NACC2: variants seen among roughly 807,000 people sequenced by gnomAD.
NACC2 encodes the protein NACC family member 2, also known as nucleus accumbens-associated protein 2.
A neutral mutation model predicts 25.1 loss-of-function variants in NACC2; 8 were observed. The observed-to-expected ratio is 0.32, with a 90% confidence interval of 0.19 to 0.57. The LOEUF (loss-of-function observed/expected upper bound fraction) is 0.57. Ranked by LOEUF, NACC2 falls within the 20% of genes least tolerant of loss-of-function variation. The pLI is 0.89. For synonymous variants in NACC2, 435 were observed against 294.7 expected (o/e 1.48, Z -4.88); for missense variants, 644 against 650.2 (o/e 0.99, Z 0.10).
chr9:136,083,806 G>A (rs892817717), intron 1 of NACC2, among the ~76,000 whole-genome samples: 7 of 152,218 alleles, frequency 4.6e-5, no homozygotes, highest in African/African-American at 7.2e-5. Context: ...GGCCGCCCAC[G>A]ACATTCATCT....
rs562430203 is a variant in NACC2, at chr9:136,076,253, A to G, written c.-60+18936T>C. Among the ~76,000 whole-genome samples, 8 of 152,308 alleles carry G rather than the reference A, an allele frequency of 5.3e-5. No individual in the cohort carries two copies. The South Asian group carries it at 8.3e-4, about 16-fold the overall frequency. ...GCGTTTCCCGGCCCTGCGGAACTCG[A>G]AGAAGTGCTGTAACTAACCCAACAA... On this transcript the variant is annotated intron_variant, in intron 1 of 5. Transcript: ENST00000277554.
chr9:136,093,302 A>C (rs764449731), intron 1 of NACC2, among the ~76,000 whole-genome samples: 6 of 152,218 alleles, frequency 3.9e-5, no homozygotes, highest in Non-Finnish European at 7.3e-5. Flanking sequence ...CTCATGCTTT[A>C]ATTGGAAAAC....
At chr9:136,061,779 A>G (rs1210396890) in intron 1 of NACC2, among the ~76,000 whole-genome samples, 1 of 152,068 alleles carries the variant, frequency 6.6e-6, no homozygotes, top group East Asian at 1.9e-4. Context: ...ACAGATACAG[A>G]GTACAGAGGC....
intron 1 of NACC2, among the ~76,000 whole-genome samples, chr9:136,060,060 C>T (rs1260314878): frequency 1.3e-5 from 2 of 152,232 alleles, no homozygotes; most frequent in Non-Finnish European, 2.9e-5. Flanking sequence ...ATGCCGGCTG[C>T]CCGCATCTGC....
intron 2 of NACC2, among the ~76,000 whole-genome samples, chr9:136,030,605 G>A (rs530452023): frequency 1.6e-4 from 23 of 146,114 alleles, no homozygotes; most frequent in African/African-American, 4.1e-4. Context: ...GCAAGACTCC[G>A]TCTCAAAAAA....
intron 1 of NACC2, among the ~76,000 whole-genome samples, chr9:136,083,748 C>T (rs529338253): frequency 6.6e-6 from 1 of 152,242 alleles, no homozygotes; most frequent in Non-Finnish European, 1.5e-5. Context: ...GAAATTCCTG[C>T]TGTTTCAGGC....
chr9:136,076,784 G>A (rs112797608), intron 1 of NACC2, among the ~76,000 whole-genome samples: 141 of 152,258 alleles, frequency 9.3e-4, no homozygotes, highest in African/African-American at 3.3e-3. Flanking sequence ...TGAGGTGGGT[G>A]GATCATGAGG....
At position 136,020,536 on chromosome 9, in the gene NACC2, C is replaced by T. The variant is rs759028905; in HGVS notation, c.887-4107G>A. On this transcript the variant is annotated intron_variant, in intron 2 of 5. Transcript: ENST00000277554. The surrounding 1 kb of genome is among the most constrained non-coding windows in gnomAD (Gnocchi z 4.7). ...GGCCGCCTGGTGGAGCCCAGCAGAG[C>T]CTCGGCGGGGGTAGGAGGGAGACGG... 6.6e-6 allele frequency among the ~76,000 whole-genome samples: 1 copy of T among 152,194 alleles called. No individual in the cohort carries two copies. Among genetic ancestry groups the T allele is most frequent in the Non-Finnish European group, 1.5e-5 (1 of 68,038 alleles).
At chr9:136,042,270 G>A (rs954647395) in intron 2 of NACC2, among the ~76,000 whole-genome samples, 3 of 152,168 alleles carry the variant, frequency 2.0e-5, no homozygotes, top group Non-Finnish European at 2.9e-5. Flanking sequence ...TTACAGGTGT[G>A]AGCCACCTTG....
chr9:136,075,365 G>A (rs4562408), intron 1 of NACC2, among the ~76,000 whole-genome samples: 22,161 of 152,244 alleles, frequency 0.15, 2,745 homozygotes, highest in African/African-American at 0.34. Context: ...TGGCTGCTGC[G>A]AACTGACTGA....
In NACC2 at chr9:136,080,556, C is replaced by T. The variant is rs1055751404; in HGVS notation, c.-60+14633G>A. Among the ~76,000 whole-genome samples, 10 of 151,984 alleles carry T rather than the reference C, an allele frequency of 6.6e-5. 1 individual carries two copies. In the East Asian group the frequency reaches 1.7e-3, roughly 26 times the overall value. ...TGCACTCCAGCCTGGGTAACAACAG[C>T]GAAACTCCATCTCCCCACTACCCTG... is the stretch of plus-strand genomic sequence containing the variant. On this transcript the variant is annotated intron_variant, in intron 1 of 5. Coordinates refer to ENST00000277554, the MANE Select transcript of NACC2 (RefSeq NM_144653.5).
At chr9:136,016,222 T>G (rs1486468923) in intron 3 of NACC2, 43 bp downstream of exon 3, 2 of 1,598,460 alleles carry the variant, frequency 1.3e-6, no homozygotes, top group Non-Finnish European at 1.7e-6. Context: ...AATAAATAAA[T>G]GAGGACATTT....
chr9:136,073,650 T>G (rs555097076), intron 1 of NACC2, among the ~76,000 whole-genome samples: 49 of 75,222 alleles, frequency 6.5e-4, no homozygotes, highest in African/African-American at 1.5e-3. Context: ...CAAGAATGTT[T>G]GCAGAAAGTC....
chr9:136,060,019 C>G (rs1840986418), intron 1 of NACC2, among the ~76,000 whole-genome samples: 1 of 152,260 alleles, frequency 6.6e-6, no homozygotes, highest in East Asian at 1.9e-4. Flanking sequence ...CACAGGGTGA[C>G]CCCACTCTGC....
Position 136,050,298 on chromosome 9 carries a change from G to A in NACC2, c.224C>T (p.Pro75Leu). 1 of 749,194 alleles carries A rather than the reference G, an allele frequency of 1.3e-6. No individual in the cohort carries two copies. Among genetic ancestry groups the A allele is most frequent in the Non-Finnish European group, 2.5e-6 (1 of 406,272 alleles). The allele number at this position is 749,194 out of a possible 1,614,324, so 46.4% of individuals were successfully genotyped here. A position where few individuals can be genotyped will look rare whatever the true frequency, so the allele number is the denominator to read the frequency against. Residue 75 changes from proline to leucine, a missense_variant, in exon 2 of 6, where the codon CCC becomes CTC. Coordinates refer to ENST00000277554, the MANE Select transcript of NACC2 (RefSeq NM_144653.5). Reference protein sequence around the residue: ...SAFELPGSVPPACFQQILSFC... With the variant: ...SAFELPGSVPLACFQQILSFC... ...GGACAGGATCTGCTGGAAGCAGGCG[G>A]GCGGCACGGAGCCGGGCAGCTCGAA...
intron 2 of NACC2, among the ~76,000 whole-genome samples, chr9:136,034,870 G>A (rs58484124): frequency 6.6e-6 from 1 of 152,106 alleles, no homozygotes; most frequent in African/African-American, 2.4e-5. Flanking sequence ...CTGGCGGGCC[G>A]ATCACCTGAG....
Position 136,016,338 on chromosome 9 carries a change from G to A in NACC2, c.978C>T (p.Ser326=), listed in dbSNP as rs370786089. The change falls in exon 3 of 6, where the codon AGC becomes AGT. Residue 326 remains serine (S), a synonymous_variant. Transcript: ENST00000277554. ...DLVALPASLI[S]QIGYRCHPKL... The stretch of plus-strand genomic sequence containing the variant: ...TGGGATGGCAGCGGTATCCGATCTG[G>A]CTGATGAGGCTGGCAGGTAGGGCCA... The A allele has an allele frequency of 1.6e-5, 25 of 1,612,468 alleles. No homozygotes were observed. The highest frequency in any genetic ancestry group is 2.0e-5 in the Non-Finnish European group (24 of 1,180,014).
In NACC2 at chr9:136,049,905, CCCGCGGCCA is replaced by C. The variant is rs1305016516; in HGVS notation, c.608_616del (p.Val203_Ala205del). On this transcript the variant is annotated inframe_deletion, in exon 2 of 6. Coordinates refer to ENST00000277554, the MANE Select transcript of NACC2 (RefSeq NM_144653.5). ...GGCTGTGCCCGCCGCCACCGCAGCC[CCCGCGGCCA>C]CCGCCACGCCGTCCCGGGGCCCCGT... 2.5e-4 allele frequency: 146 copies of C among 581,612 alleles called. 3 individuals are homozygous for C. Among genetic ancestry groups the C allele is most frequent in the African/African-American group, 1.7e-3 (86 of 50,668 alleles). The allele number at this position is 581,612 out of a possible 1,614,324, so 36.0% of individuals were successfully genotyped here.
chr9:136,040,838 G>T (rs1327799930), intron 2 of NACC2, among the ~76,000 whole-genome samples: 2 of 152,176 alleles, frequency 1.3e-5, no homozygotes, highest in African/African-American at 4.8e-5. Flanking sequence ...GTGCACGCCT[G>T]TAGTTCCAGC....
Sources: gnomAD v4.1 joint callset for allele counts (sites outside exome capture counted in the v4.1 genomes callset) on GRCh38, gnomAD v4.1.1 for gene constraint, Gnocchi (gnomAD v3.1) non-coding constraint, MANE v1.5 for transcripts, NCBI Gene and HGNC (gene_info 2026-07-23, HGNC 2026-07-21) for gene names.